Variants in BFSP1 observed in about 807,000 individuals in gnomAD.
BFSP1 encodes beaded filament structural protein 1.
Under a neutral mutation model 43.9 loss-of-function variants are expected in BFSP1, and 38 were observed. That is an observed-to-expected ratio of 0.87 (90% CI 0.67 to 1.14). BFSP1 has a LOEUF of 1.14. Ranked by LOEUF, BFSP1 falls within the 50% of genes most tolerant of loss-of-function variation. The pLI, the probability that BFSP1 is intolerant of heterozygous loss-of-function variation, is 0.00. For missense variants in BFSP1, 850 were observed against 875.1 expected, an observed-to-expected ratio of 0.97 and a Z score of 0.36; for synonymous variants, 352 against 354.8, an observed-to-expected ratio of 0.99 and a Z score of 0.09.
chr20:17,502,248 A>G (rs2033821725), intron 5 of BFSP1, among the ~76,000 whole-genome samples: 1 of 152,158 alleles, frequency 6.6e-6, no homozygotes, highest in African/African-American at 2.4e-5. Context: ...GATCAGAGTT[A>G]TTGTCACCTG....
At chr20:17,551,511 C>T (rs535201404) in intron 1 of BFSP1, among the ~76,000 whole-genome samples, 20 of 152,288 alleles carry the variant, frequency 1.3e-4, no homozygotes, top group African/African-American at 4.8e-4. Flanking sequence ...GTGACAACAT[C>T]CAAACTATAT....
chr20:17,529,159 G>A (rs1473290341), intron 1 of BFSP1, among the ~76,000 whole-genome samples: 1 of 151,248 alleles, frequency 6.6e-6, no homozygotes, highest in South Asian at 2.1e-4. Context: ...TGCAGCCTCC[G>A]CCTCCCAGAT....
chr20:17,545,963 G>C (rs2034794078), intron 1 of BFSP1, among the ~76,000 whole-genome samples: 1 of 152,154 alleles, frequency 6.6e-6, no homozygotes. Context: ...CTCTGTGACA[G>C]AGTAGCTTCC....
rs6080731 is a variant in BFSP1 at position 17,514,683 on chromosome 20, G to A, written c.534+38C>T. ...GGCTTACCTGATCAAACCCAAACTGGGTTTTCTAGAGGAAGGGCTTCAAGG... is the reference window on the plus strand; with the variant it reads ...GGCTTACCTGATCAAACCCAAACTGAGTTTTCTAGAGGAAGGGCTTCAAGG... On this transcript the variant is annotated intron_variant, in intron 3 of 7. Coordinates refer to ENST00000377873, the MANE Select transcript of BFSP1 (RefSeq NM_001195.5). The A allele has an allele frequency of 0.011, 17,510 of 1,596,892 alleles. 132 individuals are homozygous for A. The highest frequency in any genetic ancestry group is 0.014 in the Non-Finnish European group (15,756 of 1,165,032).
Position 17,531,261 on chromosome 20 carries a change from G to T in BFSP1, c.69C>A (p.Arg23=). The change falls in exon 1 of 8, where the codon CGC becomes CGA. Residue 23 remains arginine, a synonymous_variant. Coordinates refer to ENST00000377873, the MANE Select transcript of BFSP1 (RefSeq NM_001195.5). ...CGGCCGGGCGCTCGGGCTCGGCGGCGCGCGAAGCCTCGTCGGCGTGCTCGT... is the reference window on the plus strand; with the variant it reads ...CGGCCGGGCGCTCGGGCTCGGCGGCTCGCGAAGCCTCGTCGGCGTGCTCGT... ...EQYEHADEAS[R]AAEPERPADE... The T allele has an allele frequency of 6.9e-7, 1 of 1,440,676 alleles. No individual in the cohort carries two copies. The highest frequency in any genetic ancestry group is 9.1e-7 in the Non-Finnish European group (1 of 1,098,036). The allele number at this position is 1,440,676 out of a possible 1,614,324, so 89.2% of individuals were successfully genotyped here.
chr20:17,559,468 G>T (rs1437756846), upstream of BFSP1, among the ~76,000 whole-genome samples: 2 of 152,172 alleles, frequency 1.3e-5, no homozygotes, highest in East Asian at 3.8e-4. Context: ...GAGTTTACAG[G>T]TGAGGACAAG....
intron 2 of BFSP1, chr20:17,517,381 T>G: frequency 1.2e-6 from 1 of 865,090 alleles, no homozygotes; most frequent in Non-Finnish European, 1.9e-6. Context: ...ATCATTTCCT[T>G]TTGCGTTTCC....
chr20:17,514,276 G>A (rs1159256132), intron 3 of BFSP1, among the ~76,000 whole-genome samples: 2 of 152,292 alleles, frequency 1.3e-5, no homozygotes, highest in East Asian at 3.9e-4. Flanking sequence ...CCAGAATCAG[G>A]CCTGTGAGGA....
intron 2 of BFSP1, among the ~76,000 whole-genome samples, chr20:17,522,884 C>G (rs1156692860): frequency 6.6e-6 from 1 of 152,216 alleles, no homozygotes. Context: ...CACAGATGCT[C>G]AGCTGTAGCA....
upstream of BFSP1, among the ~76,000 whole-genome samples, chr20:17,532,385 A>G (rs1282507344): frequency 6.6e-6 from 1 of 150,692 alleles, no homozygotes; most frequent in Non-Finnish European, 1.5e-5. Context: ...AGCCTGGGTA[A>G]CAGAGTGAGA....
In BFSP1 at chr20:17,531,010, G is replaced by GCGCGCTCGGCCTCCAGGTCCCGGA; in HGVS notation, c.296_319dup (p.Val99_Arg106dup). 8 of 1,435,824 alleles carry GCGCGCTCGGCCTCCAGGTCCCGGA rather than the reference G, an allele frequency of 5.6e-6. No individual in the cohort carries two copies. The highest frequency in any genetic ancestry group is 7.3e-6 in the Non-Finnish European group (8 of 1,099,554). The allele number at this position is 1,435,824 out of a possible 1,614,324, so 88.9% of individuals were successfully genotyped here. A position where few individuals can be genotyped will look rare whatever the true frequency, so the allele number is the denominator to read the frequency against. ...CTCGGTGCCCTGGCGCTCCAGCCGG[G>GCGCGCTCGGCCTCCAGGTCCCGGA]CGCGCTCGGCCTCCAGGTCCCGGAC... is the stretch of plus-strand genomic sequence containing the variant. On this transcript the variant is annotated inframe_insertion, in exon 1 of 8. Coordinates refer to ENST00000377873, the MANE Select transcript of BFSP1 (RefSeq NM_001195.5).
intron 4 of BFSP1, among the ~76,000 whole-genome samples, chr20:17,509,852 C>G (rs6111554): frequency 0.038 from 5,831 of 152,252 alleles, 272 homozygotes; most frequent in South Asian, 0.1. Flanking sequence ...CTTTCCACGT[C>G]TATTCAAAAA....
chr20:17,563,434 T>G (rs1001799780), upstream of BFSP1, among the ~76,000 whole-genome samples: 14 of 145,812 alleles, frequency 9.6e-5, no homozygotes, highest in African/African-American at 3.5e-4. Context: ...TCTCGTGCTG[T>G]TGCCTCCCAG....
In BFSP1 at chr20:17,524,970, C is replaced by T. The variant is rs2034390314; in HGVS notation, c.378-62G>A. 1.2e-5 allele frequency: 17 copies of T among 1,411,222 alleles called. No individual in the cohort carries two copies. In the South Asian group the frequency reaches 1.8e-4, roughly 15 times the overall value. 87.4% of individuals were successfully genotyped at this position (1,411,222 alleles called of 1,614,324 possible). A position where few individuals can be genotyped will look rare whatever the true frequency, so the allele number is the denominator to read the frequency against. ...ACCATGCTTTCACATGTATGGATCA[C>T]ATAATCAGCATTAAATTCAACCTGG... On this transcript the variant is annotated intron_variant, in intron 1 of 7. Transcript: ENST00000377873.
intron 1 of BFSP1, among the ~76,000 whole-genome samples, chr20:17,568,219 G>A (rs894172109): frequency 3.3e-5 from 5 of 152,106 alleles, no homozygotes; most frequent in African/African-American, 9.7e-5. Context: ...GGGTTATGGA[G>A]GAAGCCACAG....
intron 7 of BFSP1, among the ~76,000 whole-genome samples, chr20:17,496,206 C>T (rs1369204120): frequency 4.6e-5 from 7 of 152,274 alleles, no homozygotes; most frequent in Non-Finnish European, 7.3e-5. Flanking sequence ...AGCTGCAAGG[C>T]TGTTCCCTTT....
At chr20:17,508,847 A>G (rs755930785) in intron 5 of BFSP1, 42 bp downstream of exon 5, 1 of 1,484,312 alleles carries the variant, frequency 6.7e-7, no homozygotes, top group Admixed American at 2.3e-5. Context: ...TCCATGAAAC[A>G]TGTGGGAAGC....
intron 5 of BFSP1, among the ~76,000 whole-genome samples, chr20:17,504,910 T>TTTTTG (rs148102331): frequency 1.1e-4 from 16 of 139,192 alleles, no homozygotes; most frequent in South Asian, 8.9e-4. Context: ...GTAAGGTTTT[T>TTTTTG]TTTTTGTTTT....
chr20:17,539,394 G>A (rs1339926739), intron 1 of BFSP1, among the ~76,000 whole-genome samples: 1 of 151,716 alleles, frequency 6.6e-6, no homozygotes, highest in Non-Finnish European at 1.5e-5. Flanking sequence ...TTACACGTGT[G>A]AGCCACCATG....
Sources: allele counts gnomAD v4.1 joint callset (sites outside exome capture counted in the v4.1 genomes callset), GRCh38; gene constraint gnomAD v4.1.1; transcripts MANE v1.5; gene names NCBI Gene and HGNC (gene_info 2026-07-23, HGNC 2026-07-21).